The following PLPP1 variants were observed in gnomAD, a reference collection of about 807,000 sequenced individuals.
PLPP1 encodes the protein lipid phosphate phosphohydrolase 1a.
In PLPP1, 24 loss-of-function variants were observed where a neutral mutation model predicts 31.2. That is an observed-to-expected ratio of 0.77 (90% CI 0.56 to 1.08). The LOEUF (loss-of-function observed/expected upper bound fraction) is 1.08. Among genes scored for constraint, PLPP1 ranks in the 50% least tolerant of loss-of-function variants. The probability of loss-of-function intolerance (pLI) is 0.00; values close to 1 mark genes in which losing one functional copy is unlikely to be tolerated. For missense variants in PLPP1, 319 were observed against 342.7 expected (o/e 0.93, Z 0.55); for synonymous variants, 146 against 126.3 (o/e 1.16, Z -1.05).
At chr5:55,529,219 T>C (rs1740572918) in intron 1 of PLPP1, among the ~76,000 whole-genome samples, 2 of 151,664 alleles carry the variant, frequency 1.3e-5, no homozygotes, top group Admixed American at 1.3e-4. Flanking sequence ...AAACTCTATA[T>C]ATAACCTGAA....
At chr5:55,499,634 A>T (rs1326220456) in intron 1 of PLPP1, among the ~76,000 whole-genome samples, 5 of 152,126 alleles carry the variant, frequency 3.3e-5, no homozygotes, top group African/African-American at 7.2e-5. Context: ...ATGGATGTGA[A>T]CAACTCCATG....
At chr5:55,514,205 C>T (rs1753504777) in intron 1 of PLPP1, among the ~76,000 whole-genome samples, 1 of 151,904 alleles carries the variant, frequency 6.6e-6, no homozygotes, top group African/African-American at 2.4e-5. Context: ...ATAACAAAAC[C>T]CCATCTCTAC....
At position 55,441,879 on chromosome 5, in the gene PLPP1, AACG is replaced by A. The variant is rs1216451907; in HGVS notation, c.518_520del (p.Ser173del). ...CACAAACAGCATGCAGTACATGGAAAACGAAGAGTGGCCTGAATAGAAGGACAA... is the reference window on the plus strand; with the variant it reads ...CACAAACAGCATGCAGTACATGGAAAAAGAGTGGCCTGAATAGAAGGACAA... On this transcript the variant is annotated inframe_deletion, in exon 4 of 6. Coordinates refer to ENST00000307259, the MANE Select transcript of PLPP1 (RefSeq NM_003711.4). The A allele has an allele frequency of 6.2e-7, 1 of 1,613,968 alleles. No individual in the cohort carries two copies.
chr5:55,463,818 T>C (rs1752223187), intron 3 of PLPP1, among the ~76,000 whole-genome samples: 1 of 148,752 alleles, frequency 6.7e-6, no homozygotes, highest in South Asian at 2.1e-4. Context: ...AATAAATAAA[T>C]AAATAAATAA....
At chr5:55,533,362 G>C (rs1740748627) in intron 1 of PLPP1, among the ~76,000 whole-genome samples, 1 of 147,876 alleles carries the variant, frequency 6.8e-6, no homozygotes, top group Non-Finnish European at 1.5e-5. Context: ...CAGCCTGGGT[G>C]ACAGAGAGAG....
At chr5:55,533,060 C>T (rs143463119) in intron 1 of PLPP1, among the ~76,000 whole-genome samples, 24 of 151,578 alleles carry the variant, frequency 1.6e-4, no homozygotes, top group African/African-American at 5.1e-4. Context: ...TGGGAAACAA[C>T]AAAGATGCTT....
At chr5:55,445,083 T>C (rs1014505595) in intron 3 of PLPP1, among the ~76,000 whole-genome samples, 2 of 152,086 alleles carry the variant, frequency 1.3e-5, no homozygotes, top group Non-Finnish European at 2.9e-5. Context: ...CTTTATGATG[T>C]TTTTTTCCTC....
chr5:55,468,865 GTACTTT>G (rs1752361340), intron 2 of PLPP1, among the ~76,000 whole-genome samples: 1 of 152,088 alleles, frequency 6.6e-6, no homozygotes, highest in Non-Finnish European at 1.5e-5. Context: ...CTGTGTATAA[GTACTTT>G]TATCTGACAG....
At chr5:55,458,397 T>C (rs530645993) in intron 3 of PLPP1, among the ~76,000 whole-genome samples, 24 of 152,214 alleles carry the variant, frequency 1.6e-4, no homozygotes, top group Admixed American at 1.2e-3. Flanking sequence ...TGCTTTTTTT[T>C]CCTGTAGCTT....
chr5:55,467,471 A>G (rs1752327209), intron 3 of PLPP1, among the ~76,000 whole-genome samples: 1 of 151,818 alleles, frequency 6.6e-6, no homozygotes, highest in Non-Finnish European at 1.5e-5. Context: ...GGATCACTTG[A>G]GCCCAGGAGT....
intron 4 of PLPP1, among the ~76,000 whole-genome samples, chr5:55,429,851 G>A (rs1398240697): frequency 6.6e-6 from 1 of 151,972 alleles, no homozygotes; most frequent in East Asian, 1.9e-4. Flanking sequence ...ATACCATCTG[G>A]GGCCAAAGTG....
rs1490775619 is a variant in PLPP1 at position 55,512,466 on chromosome 5, CTCA to C, written c.58+22103_58+22105del. ...AGCCTGGGCAACAGAGCAAGACTGT[CTCA>C]AAAAAAAAAAAAAAGAAAGAAAGAA... On this transcript the variant is annotated intron_variant, in intron 1 of 5. Transcript: ENST00000307259. 2.3e-3 allele frequency among the ~76,000 whole-genome samples: 40 copies of C among 17,194 alleles called. 1 individual carries two copies. The highest frequency in any genetic ancestry group is 5.5e-3 in the African/African-American group (38 of 6,894). The allele number at this position is 17,194 out of a possible 152,430, so 11.3% of individuals were successfully genotyped here. A position where few individuals can be genotyped will look rare whatever the true frequency, so the allele number is the denominator to read the frequency against.
chr5:55,470,569 G>C (rs1752394668), intron 2 of PLPP1, among the ~76,000 whole-genome samples: 1 of 152,336 alleles, frequency 6.6e-6, no homozygotes, highest in East Asian at 1.9e-4. Context: ...ATGCAGGGGA[G>C]TCTCTAAAGC....
At chr5:55,480,686 C>T (rs1191482107) in intron 1 of PLPP1, among the ~76,000 whole-genome samples, 2 of 152,134 alleles carry the variant, frequency 1.3e-5, no homozygotes, top group African/African-American at 4.8e-5. Context: ...TTTACCCACT[C>T]ACCAGTTAAT....
intron 1 of PLPP1, among the ~76,000 whole-genome samples, chr5:55,526,572 AACAACG>A (rs1740440372): frequency 6.6e-6 from 1 of 152,142 alleles, no homozygotes; most frequent in Non-Finnish European, 1.5e-5. Context: ...GAAAAACAAC[AACAACG>A]ACAACAAACA....
intron 4 of PLPP1, among the ~76,000 whole-genome samples, chr5:55,437,097 TTTG>T (rs1426584611): frequency 6.6e-6 from 1 of 152,186 alleles, no homozygotes; most frequent in Non-Finnish European, 1.5e-5. Flanking sequence ...GACTGAGAAA[TTTG>T]TTTTTTATAA....
intron 4 of PLPP1, among the ~76,000 whole-genome samples, chr5:55,430,435 T>G (rs1751320342): frequency 6.6e-6 from 1 of 152,174 alleles, no homozygotes; most frequent in African/African-American, 2.4e-5. Flanking sequence ...ATTGCAGCAA[T>G]TAAAAACTGC....
At chr5:55,425,731 T>C (rs1480038353) in intron 5 of PLPP1, 132 bp downstream of exon 5, 2 of 838,366 alleles carry the variant, frequency 2.4e-6, no homozygotes, top group South Asian at 2.7e-5. Context: ...GAAGTGACTT[T>C]TAATAACATT....
chr5:55,507,858 CTTTTT>C (rs5867988), intron 1 of PLPP1, among the ~76,000 whole-genome samples: 6 of 133,202 alleles, frequency 4.5e-5, no homozygotes, highest in African/African-American at 8.2e-5. Context: ...TCACTGAAAA[CTTTTT>C]TTTTTTTTTT....
Sources: allele counts gnomAD v4.1 joint callset (sites outside exome capture counted in the v4.1 genomes callset), GRCh38; gene constraint gnomAD v4.1.1; transcripts MANE v1.5; gene names NCBI Gene and HGNC (gene_info 2026-07-23, HGNC 2026-07-21).